The following CNTNAP2 variants were observed in gnomAD, a reference collection of about 807,000 sequenced individuals.
CNTNAP2 encodes the protein contactin associated protein 2, also known as contactin-associated protein-like 2.
A neutral mutation model predicts 155.2 loss-of-function variants in CNTNAP2; 98 were observed. The observed-to-expected ratio is 0.63, with a 90% CI of 0.54 to 0.75. The LOEUF is 0.75. Among genes scored for constraint, CNTNAP2 ranks in the 30% least tolerant of loss-of-function variants. The pLI is 0.00. For synonymous variants in CNTNAP2, 651 were observed against 631.2 expected (o/e 1.03, Z -0.47); for missense variants, 1,727 against 1,688.1 (o/e 1.02, Z -0.40).
At chr7:146,127,197 C>T (rs2084491748) in intron 1 of CNTNAP2, among the ~76,000 whole-genome samples, 1 of 152,160 alleles carries the variant, frequency 6.6e-6, no homozygotes, top group African/African-American at 2.4e-5. Context: ...TTTGTCCCCT[C>T]CTTTCATTTT....
At chr7:147,193,722 T>G (rs901484941) in intron 8 of CNTNAP2, among the ~76,000 whole-genome samples, 1 of 152,050 alleles carries the variant, frequency 6.6e-6, no homozygotes, top group African/African-American at 2.4e-5. Context: ...GAAAGGAACC[T>G]CAGACATAAA....
chr7:147,341,769 T>TACACACAC (rs35486619), intron 9 of CNTNAP2, among the ~76,000 whole-genome samples: 4 of 147,422 alleles, frequency 2.7e-5, no homozygotes, highest in African/African-American at 7.5e-5. Flanking sequence ...CACATACACA[T>TACACACAC]ACACACACAC....
intron 3 of CNTNAP2, among the ~76,000 whole-genome samples, chr7:147,015,722 TA>T (rs540383868): frequency 1.1e-3 from 174 of 152,130 alleles, no homozygotes; most frequent in African/African-American, 3.9e-3. Flanking sequence ...TTAAGAAGGG[TA>T]AAAACACACC....
intron 15 of CNTNAP2, among the ~76,000 whole-genome samples, chr7:148,040,099 A>T (rs1802642780): frequency 6.6e-6 from 1 of 152,126 alleles, no homozygotes; most frequent in South Asian, 2.1e-4. Context: ...TGAGGTTTTC[A>T]CCTACTTAAA....
intron 10 of CNTNAP2, among the ~76,000 whole-genome samples, chr7:147,462,157 G>C (rs1032124269): frequency 6.6e-6 from 1 of 152,036 alleles, no homozygotes; most frequent in Non-Finnish European, 1.5e-5. Flanking sequence ...CACATCTAAA[G>C]AGATTCCAGA....
At chr7:146,877,567 TA>T (rs1425358152) in intron 3 of CNTNAP2, among the ~76,000 whole-genome samples, 4 of 151,556 alleles carry the variant, frequency 2.6e-5, no homozygotes, top group African/African-American at 9.7e-5. Context: ...GTATACTATA[TA>T]TGTGTGTGTA....
At chr7:147,456,662 T>C (rs1385411267) in intron 10 of CNTNAP2, among the ~76,000 whole-genome samples, 1 of 152,040 alleles carries the variant, frequency 6.6e-6, no homozygotes, top group Non-Finnish European at 1.5e-5. Context: ...AGCAGTACTT[T>C]AGAAAAATTA....
At chr7:147,190,713 T>G (rs1802663108) in intron 8 of CNTNAP2, among the ~76,000 whole-genome samples, 1 of 152,218 alleles carries the variant, frequency 6.6e-6, no homozygotes, top group South Asian at 2.1e-4. Context: ...GAGGTACTCA[T>G]CACCTTGTCA....
intron 8 of CNTNAP2, among the ~76,000 whole-genome samples, chr7:147,298,698 T>C (rs1794883662): frequency 6.6e-6 from 1 of 152,244 alleles, no homozygotes; most frequent in Non-Finnish European, 1.5e-5. Flanking sequence ...TAGTTTCCAG[T>C]GCAGCTGACT....
intron 1 of CNTNAP2, among the ~76,000 whole-genome samples, chr7:146,149,087 G>A (rs1249589720): frequency 3.3e-5 from 5 of 151,916 alleles, no homozygotes; most frequent in African/African-American, 4.8e-5. Context: ...TGTAAATGAC[G>A]AGTTAATGGG....
At chr7:147,063,541 C>G (rs1362341916) in intron 4 of CNTNAP2, among the ~76,000 whole-genome samples, 1 of 151,768 alleles carries the variant, frequency 6.6e-6, no homozygotes, top group Admixed American at 6.6e-5. Context: ...TGTTGTATGC[C>G]CAGTGGAACT....
chr7:148,386,272 G>C (rs989242754), intron 22 of CNTNAP2, among the ~76,000 whole-genome samples: 3 of 152,108 alleles, frequency 2.0e-5, no homozygotes, highest in African/African-American at 7.2e-5. Context: ...GCTCACATCT[G>C]TAATCCCAGC....
At chr7:148,250,952 A>G (rs932215940) in intron 20 of CNTNAP2, among the ~76,000 whole-genome samples, 2 of 152,144 alleles carry the variant, frequency 1.3e-5, no homozygotes, top group Non-Finnish European at 2.9e-5. Context: ...GGCTCAAGCA[A>G]TCCTCCTGCC....
At chr7:147,363,398 T>G (rs1160820818) in intron 9 of CNTNAP2, among the ~76,000 whole-genome samples, 1 of 152,226 alleles carries the variant, frequency 6.6e-6, no homozygotes, top group Admixed American at 6.5e-5. Flanking sequence ...CAGCTCAAAC[T>G]AAGACACCTA....
chr7:148,207,944 C>T (rs1464172277), intron 18 of CNTNAP2, among the ~76,000 whole-genome samples: 1 of 152,018 alleles, frequency 6.6e-6, no homozygotes, highest in African/African-American at 2.4e-5. Flanking sequence ...AAAAATTAGC[C>T]GGGTGTGGTG....
intron 14 of CNTNAP2, among the ~76,000 whole-genome samples, chr7:147,942,803 C>T (rs372540228): frequency 6.6e-6 from 1 of 152,154 alleles, no homozygotes; most frequent in East Asian, 1.9e-4. Flanking sequence ...TTTGGGAGGC[C>T]GAGGTGGGCG....
intron 1 of CNTNAP2, chr7:146,208,619 C>T (rs570489381): frequency 1.2e-4 from 18 of 151,452 alleles, no homozygotes; most frequent in African/African-American, 4.4e-4. Context: ...AAAAAAAAGT[C>T]CACATCATAA....
intron 3 of CNTNAP2, among the ~76,000 whole-genome samples, chr7:146,993,559 TAAC>T (rs1410444007): frequency 6.6e-6 from 1 of 152,056 alleles, no homozygotes; most frequent in Non-Finnish European, 1.5e-5. Context: ...GAGAGGCAGT[TAAC>T]AACCACCTGC....
At chr7:147,167,801 G>A (rs1802144652) in intron 8 of CNTNAP2, among the ~76,000 whole-genome samples, 1 of 152,094 alleles carries the variant, frequency 6.6e-6, no homozygotes, top group Non-Finnish European at 1.5e-5. Flanking sequence ...TTGGAATGCA[G>A]TTGATTCCTT....
Sources: gnomAD v4.1 joint callset for allele counts (sites outside exome capture counted in the v4.1 genomes callset) on GRCh38, gnomAD v4.1.1 for gene constraint, MANE v1.5 for transcripts, NCBI Gene and HGNC (gene_info 2026-07-23, HGNC 2026-07-21) for gene names.